The following SGCD variants were observed in gnomAD, a reference collection of about 807,000 sequenced individuals.
The protein encoded by SGCD is sarcoglycan delta.
A neutral mutation model predicts 36.6 loss-of-function variants in SGCD; 18 were observed. That is an observed-to-expected ratio of 0.49 (90% CI 0.34 to 0.73). The LOEUF (loss-of-function observed/expected upper bound fraction) is 0.73. Ranked by LOEUF, SGCD falls within the 30% of genes least tolerant of loss-of-function variation. The pLI is 0.01. For missense variants in SGCD, 387 were observed against 346.7 expected, an observed-to-expected ratio of 1.12 and a Z score of -0.92; for synonymous variants, 133 against 130.6, an observed-to-expected ratio of 1.02 and a Z score of -0.12.
chr5:156,484,291 A>C (rs1291001108), intron 3 of SGCD, among the ~76,000 whole-genome samples: 1 of 152,226 alleles, frequency 6.6e-6, no homozygotes, highest in Non-Finnish European at 1.5e-5. Context: ...AAAGCAAGAG[A>C]AGTAACATTT....
In SGCD at chr5:156,177,298, C is replaced by A. The variant is rs149063954; in HGVS notation, c.-44+53279C>A. On this transcript the variant is annotated intron_variant, in intron 3 of 9. Transcript: ENST00000517913. ...TACAGGTGTGAGCCACCGTGCCTGGCCCAATTTTGTATTTTTAAAAAATTT... is the reference window on the plus strand; with the variant it reads ...TACAGGTGTGAGCCACCGTGCCTGGACCAATTTTGTATTTTTAAAAAATTT... Among the ~76,000 whole-genome samples, 123 of 152,206 alleles carry A rather than the reference C, an allele frequency of 8.1e-4. 3 individuals are homozygous for A. In the East Asian group the frequency reaches 0.023, roughly 29 times the overall value.
At chr5:156,053,264 A>C (rs1295597829) in intron 1 of SGCD, among the ~76,000 whole-genome samples, 1 of 146,088 alleles carries the variant, frequency 6.8e-6, no homozygotes, top group Non-Finnish European at 1.5e-5. Flanking sequence ...GGGCTATAGC[A>C]GAATGCAGCA....
At chr5:155,756,134 A>C in the SGCD span, among the ~76,000 whole-genome samples, 1 of 152,184 alleles carries the variant, frequency 6.6e-6, no homozygotes, top group Non-Finnish European at 1.5e-5. Flanking sequence ...TAACTGCCTC[A>C]GTTTTCTGAT....
intron 1 of SGCD, among the ~76,000 whole-genome samples, chr5:155,895,339 C>G (rs983266049): frequency 3.3e-5 from 5 of 152,152 alleles, no homozygotes; most frequent in African/African-American, 9.7e-5. Context: ...CATTTCAAAA[C>G]CTGTTCATAG....
At chr5:156,089,295 T>C (rs1761181033) in intron 1 of SGCD, among the ~76,000 whole-genome samples, 1 of 152,222 alleles carries the variant, frequency 6.6e-6, no homozygotes, top group East Asian at 1.9e-4. Flanking sequence ...CCAACTCAGA[T>C]TGCCTTCCTG....
chr5:155,994,054 T>C (rs529509359), intron 1 of SGCD, among the ~76,000 whole-genome samples: 1 of 152,336 alleles, frequency 6.6e-6, no homozygotes, highest in African/African-American at 2.4e-5. Context: ...CCCAGTATTT[T>C]ACTTATGCAT....
the SGCD span, among the ~76,000 whole-genome samples, chr5:155,837,387 A>G: frequency 2.6e-5 from 4 of 152,086 alleles, no homozygotes; most frequent in Non-Finnish European, 4.4e-5. Flanking sequence ...TGAACTTCTG[A>G]CCTCAGGTGA....
intron 3 of SGCD, among the ~76,000 whole-genome samples, chr5:156,413,388 C>A (rs564031349): frequency 1.3e-5 from 2 of 152,196 alleles, no homozygotes; most frequent in African/African-American, 4.8e-5. Flanking sequence ...TCAGAGAAGA[C>A]CACGCCTAAC....
At chr5:156,460,185 A>C (rs1352953774) in intron 3 of SGCD, among the ~76,000 whole-genome samples, 1 of 152,176 alleles carries the variant, frequency 6.6e-6, no homozygotes, top group Non-Finnish European at 1.5e-5. Context: ...AACTACCCTC[A>C]ACTGTGGGCA....
chr5:156,595,042 C>A lies in SGCD; in HGVS notation c.493C>A (p.Arg165=). Reference sequence around the variant, plus strand: ...AGTGGTAGTAGGAGCTGAAAGATTACGAGTTTTAGGTAAGGAAACTTGAAT... The same window carrying A: ...AGTGGTAGTAGGAGCTGAAAGATTAAGAGTTTTAGGTAAGGAAACTTGAAT... ...NEVVVGAERL[R]VLGAEGTVFP... The change falls in exon 6 of 9, where the codon CGA becomes AGA. Residue 165 remains arginine, a synonymous_variant. Coordinates refer to ENST00000337851, the MANE Select transcript of SGCD (RefSeq NM_000337.6). 1 of 1,611,054 alleles carries A rather than the reference C, an allele frequency of 6.2e-7. No individual in the cohort carries two copies. The highest frequency in any genetic ancestry group is 1.1e-5 in the South Asian group (1 of 90,580).
chr5:155,819,467 A>C, the SGCD span, among the ~76,000 whole-genome samples: 8 of 152,220 alleles, frequency 5.3e-5, no homozygotes, highest in African/African-American at 1.9e-4. Flanking sequence ...AATACTTAAT[A>C]ATGGTAATAA....
chr5:155,958,324 G>T (rs1757709256), intron 1 of SGCD, among the ~76,000 whole-genome samples: 3 of 152,076 alleles, frequency 2.0e-5, no homozygotes, highest in South Asian at 4.1e-4. Context: ...CTAGGAGGTG[G>T]ATATCATTAT....
At chr5:156,383,173 A>T (rs183542844) in intron 3 of SGCD, among the ~76,000 whole-genome samples, 26 of 152,252 alleles carry the variant, frequency 1.7e-4, no homozygotes, top group African/African-American at 6.0e-4. Context: ...TATGCTCATC[A>T]CTGGGGCTTA....
chr5:156,594,731 G>A (rs561103289), intron 5 of SGCD, among the ~76,000 whole-genome samples: 1 of 152,280 alleles, frequency 6.6e-6, no homozygotes, highest in East Asian at 1.9e-4. Flanking sequence ...TAATTGACAA[G>A]ACCTGGCTAA....
chr5:155,887,496 G>A (rs993880950), intron 1 of SGCD, among the ~76,000 whole-genome samples: 1 of 152,184 alleles, frequency 6.6e-6, no homozygotes, highest in Non-Finnish European at 1.5e-5. Flanking sequence ...CTTCTGTGTA[G>A]AGTGGAGGTG....
intron 1 of SGCD, among the ~76,000 whole-genome samples, chr5:156,113,296 C>G (rs1761833048): frequency 6.6e-6 from 1 of 152,138 alleles, no homozygotes; most frequent in Admixed American, 6.6e-5. Context: ...TAAGAACTCT[C>G]TGCTGCAAAA....
At chr5:156,500,160 T>C (rs1383872563) in intron 3 of SGCD, among the ~76,000 whole-genome samples, 1 of 152,224 alleles carries the variant, frequency 6.6e-6, no homozygotes, top group Non-Finnish European at 1.5e-5. Context: ...GAATACATAC[T>C]CTAATAAATT....
rs534006559 is a variant in SGCD, at chr5:156,266,036, T to G, written c.-43-63498T>G. 5.9e-5 allele frequency among the ~76,000 whole-genome samples: 9 copies of G among 152,352 alleles called. No individual in the cohort carries two copies. In the South Asian group the frequency reaches 1.9e-3, roughly 32 times the overall value. The stretch of plus-strand genomic sequence containing the variant: ...AAATTTTGACAATGAAAAATTGTAC[T>G]TGTTAGAAATATTGGAGTTAAAAGA... On this transcript the variant is annotated intron_variant, in intron 3 of 9. Coordinates refer to the SGCD transcript ENST00000517913.
intron 1 of SGCD, among the ~76,000 whole-genome samples, chr5:155,958,097 T>C (rs138002990): frequency 6.5e-4 from 99 of 152,214 alleles, no homozygotes; most frequent in African/African-American, 2.4e-3. Flanking sequence ...CATGGCAATA[T>C]AACAGCATTG....
Sources: allele counts gnomAD v4.1 joint callset (sites outside exome capture counted in the v4.1 genomes callset), GRCh38; gene constraint gnomAD v4.1.1; transcripts MANE v1.5; gene names NCBI Gene and HGNC (gene_info 2026-07-23, HGNC 2026-07-21).